SEMA3E: variants seen among roughly 807,000 people sequenced by gnomAD.
The protein encoded by SEMA3E is semaphorin 3E.
A neutral mutation model predicts 93.6 loss-of-function variants in SEMA3E; 49 were observed. The observed-to-expected ratio is 0.52, with a 90% confidence interval of 0.42 to 0.66. SEMA3E has a LOEUF of 0.66. Among genes scored for constraint, SEMA3E ranks in the 30% least tolerant of loss-of-function variants. The pLI is 0.00. For synonymous variants in SEMA3E, 363 were observed against 330.7 expected (o/e 1.10, Z -1.06); for missense variants, 906 against 964.8 (o/e 0.94, Z 0.81).
chr7:83,387,887 T>C (rs1372085306), intron 14 of SEMA3E, among the ~76,000 whole-genome samples: 1 of 146,616 alleles, frequency 6.8e-6, no homozygotes, highest in East Asian at 2.0e-4. Context: ...TGTTTATATA[T>C]ATATAACATT....
intron 1 of SEMA3E, among the ~76,000 whole-genome samples, chr7:83,592,189 C>T (rs961047052): frequency 1.3e-5 from 2 of 151,900 alleles, no homozygotes; most frequent in Non-Finnish European, 2.9e-5. Context: ...ATGTTATTTA[C>T]ATATAAAATA....
intron 1 of SEMA3E, among the ~76,000 whole-genome samples, chr7:83,561,253 T>C (rs941741688): frequency 1.3e-5 from 2 of 152,082 alleles, no homozygotes; most frequent in African/African-American, 4.8e-5. Flanking sequence ...TAATCATCTG[T>C]TTTAAGTGAG....
chr7:83,478,982 A>G (rs1790080762), intron 2 of SEMA3E, among the ~76,000 whole-genome samples: 1 of 152,232 alleles, frequency 6.6e-6, no homozygotes, highest in South Asian at 2.1e-4. Flanking sequence ...ACTAAACTAC[A>G]ATTCTAATTA....
intron 1 of SEMA3E, among the ~76,000 whole-genome samples, chr7:83,556,742 GA>G (rs1791903372): frequency 6.6e-6 from 1 of 152,120 alleles, no homozygotes; most frequent in South Asian, 2.1e-4. Context: ...AACTTACGTT[GA>G]AACTTAATCC....
intron 6 of SEMA3E, among the ~76,000 whole-genome samples, 154 bp from the exon 7 acceptor site, chr7:83,407,393 T>G (rs1788350932): frequency 6.6e-6 from 1 of 152,200 alleles, no homozygotes; most frequent in Non-Finnish European, 1.5e-5. Context: ...TACCAAACAT[T>G]AAAAACTATG....
chr7:83,532,294 C>T (rs1298404390), intron 1 of SEMA3E, among the ~76,000 whole-genome samples: 1 of 152,148 alleles, frequency 6.6e-6, no homozygotes, highest in Admixed American at 6.5e-5. Flanking sequence ...TTTAGGAAAT[C>T]CATACTCCAC....
intron 14 of SEMA3E, among the ~76,000 whole-genome samples, chr7:83,390,017 G>GTA (rs139429358): frequency 6.3e-5 from 1 of 15,872 alleles, no homozygotes; most frequent in Non-Finnish European, 1.7e-4. Flanking sequence ...ATATATACGC[G>GTA]TATATGTGTA....
chr7:83,372,368 A>G, intron 16 of SEMA3E: 1 of 397,532 alleles, frequency 2.5e-6, no homozygotes, highest in Non-Finnish European at 4.4e-6. Flanking sequence ...GAGAGTGAAT[A>G]ATACATGAGA....
intron 1 of SEMA3E, among the ~76,000 whole-genome samples, chr7:83,583,270 T>A (rs1792551628): frequency 6.6e-6 from 1 of 152,188 alleles, no homozygotes; most frequent in South Asian, 2.1e-4. Context: ...TACAGTGTGA[T>A]ATTTTGATAC....
At chr7:83,479,329 C>A (rs2722992) in intron 2 of SEMA3E, among the ~76,000 whole-genome samples, 39,798 of 152,050 alleles carry the variant, frequency 0.26, 6,510 homozygotes, top group Non-Finnish European at 0.34. Flanking sequence ...TTTATTTGAA[C>A]CTTTATTGTC....
intron 2 of SEMA3E, among the ~76,000 whole-genome samples, chr7:83,469,940 C>T (rs755611075): frequency 1.4e-4 from 21 of 151,668 alleles, no homozygotes; most frequent in Non-Finnish European, 2.9e-4. Context: ...GGGACTATGG[C>T]CCACCCAGCT....
intron 4 of SEMA3E, among the ~76,000 whole-genome samples, chr7:83,429,109 T>A (rs1788831876): frequency 6.6e-6 from 1 of 152,096 alleles, no homozygotes; most frequent in South Asian, 2.1e-4. Flanking sequence ...TTCAAAAAAA[T>A]CTTATTTTAT....
chr7:83,542,044 CAG>C (rs1209254523), intron 1 of SEMA3E, among the ~76,000 whole-genome samples: 1 of 152,000 alleles, frequency 6.6e-6, no homozygotes, highest in African/African-American at 2.4e-5. Context: ...TGTAGTGACT[CAG>C]TGACAGTCAA....
intron 1 of SEMA3E, among the ~76,000 whole-genome samples, chr7:83,510,011 G>A (rs1369650140): frequency 6.6e-6 from 1 of 152,070 alleles, no homozygotes; most frequent in Non-Finnish European, 1.5e-5. Context: ...TGACATTGTA[G>A]ACAAGATCAA....
Position 83,364,473 on chromosome 7 carries a change from T to G in SEMA3E, c.*3113A>C, listed in dbSNP as rs951886753. ...TTTTTCTAGAGCTCTTATTAGTGTT[T>G]ATCCTTATTTTTAATCCCTGTTTCT... On this transcript the variant is annotated 3_prime_UTR_variant, in exon 17 of 17. Coordinates refer to ENST00000643230, the MANE Select transcript of SEMA3E (RefSeq NM_012431.3). The G allele has an allele frequency of 1.3e-5, 2 of 152,244 alleles. No homozygotes were observed. The highest frequency in any genetic ancestry group is 4.8e-5 in the African/African-American group (2 of 41,468). The allele number at this position is 152,244 out of a possible 1,614,324, so 9.4% of individuals were successfully genotyped here. A position where few individuals can be genotyped will look rare whatever the true frequency, so the allele number is the denominator to read the frequency against.
chr7:83,646,311 T>C lies in SEMA3E; in HGVS notation c.115+2117A>G, dbSNP rs1041215442. 4.6e-5 allele frequency among the ~76,000 whole-genome samples: 7 copies of C among 152,066 alleles called. No individual in the cohort carries two copies. The South Asian group carries it at 1.2e-3, about 27-fold the overall frequency. Reference sequence around the variant, plus strand: ...AAAATATTCACTGAATTCCAGAGTCTAGAGAGATAAATGGGCTGTTCATAT... The same window carrying C: ...AAAATATTCACTGAATTCCAGAGTCCAGAGAGATAAATGGGCTGTTCATAT... On this transcript the variant is annotated intron_variant, in intron 1 of 16. Coordinates refer to ENST00000643230, the MANE Select transcript of SEMA3E (RefSeq NM_012431.3).
At chr7:83,526,245 T>C (rs1359128231) in intron 1 of SEMA3E, among the ~76,000 whole-genome samples, 3 of 152,128 alleles carry the variant, frequency 2.0e-5, no homozygotes, top group Non-Finnish European at 4.4e-5. Context: ...CAAGGCTCTT[T>C]CTTCCCAGAG....
intron 1 of SEMA3E, among the ~76,000 whole-genome samples, chr7:83,570,203 T>C (rs1792243981): frequency 6.6e-6 from 1 of 152,044 alleles, no homozygotes; most frequent in African/African-American, 2.4e-5. Flanking sequence ...ACCAATATAT[T>C]TGGGATGCAG....
intron 1 of SEMA3E, among the ~76,000 whole-genome samples, chr7:83,501,524 C>T (rs1445000121): frequency 6.6e-6 from 1 of 152,126 alleles, no homozygotes; most frequent in Non-Finnish European, 1.5e-5. Flanking sequence ...ACGATCTTGG[C>T]TTACTGCAAC....
Sources: allele counts gnomAD v4.1 joint callset (sites outside exome capture counted in the v4.1 genomes callset), GRCh38; gene constraint gnomAD v4.1.1; transcripts MANE v1.5; gene names NCBI Gene and HGNC (gene_info 2026-07-23, HGNC 2026-07-21).